Variants in SLC4A7 observed in about 807,000 individuals in gnomAD.
The protein encoded by SLC4A7 is solute carrier family 4 member 7, also known as sodium bicarbonate cotransporter 3.
SLC4A7 carries 51 observed loss-of-function variants against 137.6 expected under a neutral mutation model. The ratio of observed to expected loss-of-function variants is 0.37; its 90% CI spans 0.30 to 0.47. The LOEUF is 0.47. Ranked by LOEUF, SLC4A7 falls within the 20% of genes least tolerant of loss-of-function variation. The probability of loss-of-function intolerance (pLI) is 1.00; values close to 1 mark genes in which losing one functional copy is unlikely to be tolerated. For missense variants in SLC4A7, 1,247 were observed against 1,525.4 expected, an observed-to-expected ratio of 0.82 and a Z score of 3.04; for synonymous variants, 542 against 518.6, an observed-to-expected ratio of 1.05 and a Z score of -0.61.
intron 22 of SLC4A7, among the ~76,000 whole-genome samples, chr3:27,386,557 C>G (rs1323842933): frequency 6.6e-6 from 1 of 152,044 alleles, no homozygotes; most frequent in Non-Finnish European, 1.5e-5. Flanking sequence ...ATTTCCTAAA[C>G]TTGGACTGTT....
intron 7 of SLC4A7, among the ~76,000 whole-genome samples, chr3:27,427,357 T>TATG (rs1318231778): frequency 6.6e-6 from 1 of 151,832 alleles, no homozygotes; most frequent in Non-Finnish European, 1.5e-5. Flanking sequence ...AGGGTCTCAC[T>TATG]ATGAACTCCT....
At chr3:27,468,873 CG>C in intron 1 of SLC4A7, among the ~76,000 whole-genome samples, 1 of 152,044 alleles carries the variant, frequency 6.6e-6, no homozygotes, top group East Asian at 1.9e-4. Flanking sequence ...TTTGGGAGGC[CG>C]GGGTGGGCGG....
intron 1 of SLC4A7, among the ~76,000 whole-genome samples, chr3:27,456,362 A>G (rs974671231): frequency 6.6e-6 from 1 of 152,234 alleles, no homozygotes; most frequent in East Asian, 1.9e-4. Context: ...AACTATTAAG[A>G]TAAAGTGATT....
rs2057855604 is a variant in SLC4A7 at position 27,448,725 on chromosome 3, C to T, written c.215G>A (p.Gly72Glu). Residue 72 changes from glycine to glutamate, a missense_variant, in exon 3 of 26, where the codon GGA becomes GAA. Gly to Glu is a moderately conservative substitution (Grantham distance 98). Around this residue, in one of 6 missense-constraint regions of SLC4A7, gnomAD observed 176 missense variants for 186.4 expected, o/e 0.94. Transcript: ENST00000454389. ...TCTTCTCCGGTGGTGATGTTTGTGT[C>T]CGCGATGCCTATGACGCCGACGACT... is the stretch of plus-strand genomic sequence containing the variant. Reference protein sequence around the residue: ...KESRRRHRHRGHKHHHRRRKD... With the variant: ...KESRRRHRHREHKHHHRRRKD... 6.2e-7 allele frequency: 1 copy of T among 1,613,174 alleles called. No individual in the cohort carries two copies. The highest frequency in any genetic ancestry group is 8.5e-7 in the Non-Finnish European group (1 of 1,179,356).
At position 27,448,803 on chromosome 3, in the gene SLC4A7, A is replaced by G. The variant is rs761091509; in HGVS notation, c.143-6T>C. On this transcript the variant is annotated splice_polypyrimidine_tract_variant and splice_region_variant and intron_variant, in intron 2 of 25. Transcript: ENST00000454389. Reference sequence around the variant, plus strand: ...AATATATACAGCTCTATGACCTATTAAAAGGTTCAGAAACATATTACTAGC... The same window carrying G: ...AATATATACAGCTCTATGACCTATTGAAAGGTTCAGAAACATATTACTAGC... The G allele has an allele frequency of 6.4e-7, 1 of 1,573,694 alleles. No homozygotes were observed. Among genetic ancestry groups the G allele is most frequent in the Non-Finnish European group, 8.6e-7 (1 of 1,161,540 alleles).
At chr3:27,449,993 A>G (rs2057957119) in intron 2 of SLC4A7, among the ~76,000 whole-genome samples, 1 of 152,210 alleles carries the variant, frequency 6.6e-6, no homozygotes, top group Non-Finnish European at 1.5e-5. Flanking sequence ...ACTTGTAACC[A>G]CAAAATCAAT....
chr3:27,446,380 A>G (rs536408003), intron 3 of SLC4A7, among the ~76,000 whole-genome samples: 1 of 152,272 alleles, frequency 6.6e-6, no homozygotes, highest in South Asian at 2.1e-4. Context: ...ACAAATTGGT[A>G]GTTAAGACAA....
Position 27,379,277 on chromosome 3 carries a change from T to G in SLC4A7, c.3670A>C (p.Asn1224His). The stretch of plus-strand genomic sequence containing the variant: ...ATGTTAGATCTGGTTACTTTGGCAT[T>G]CTCAGTATTCATGGAAAGTGCCTTC... ...QWKALSMNTE[N>H]AKVTRSNMSP... The change falls in exon 25 of 26, where the codon AAT (asparagine) becomes CAT (histidine). Residue 1224 changes from asparagine (N) to histidine (H), a missense_variant. Coordinates refer to ENST00000454389, the MANE Select transcript of SLC4A7 (RefSeq NM_001321103.2). 3.3e-6 allele frequency: 5 copies of G among 1,534,612 alleles called. No homozygotes were observed. The highest frequency in any genetic ancestry group is 4.4e-6 in the Non-Finnish European group (5 of 1,145,458).
intron 1 of SLC4A7, among the ~76,000 whole-genome samples, chr3:27,478,858 A>AG (rs1349744474): frequency 6.7e-6 from 1 of 149,830 alleles, no homozygotes; most frequent in African/African-American, 2.4e-5. Context: ...AAAGAGAGAG[A>AG]GGGGGGCGTG....
At chr3:27,482,215 T>C (rs2059741374) in intron 1 of SLC4A7, among the ~76,000 whole-genome samples, 1 of 152,158 alleles carries the variant, frequency 6.6e-6, no homozygotes, top group South Asian at 2.1e-4. Context: ...ATAGTTTAAA[T>C]AGCATAAACA....
At chr3:27,400,189 A>G (rs1293825133) in intron 16 of SLC4A7, among the ~76,000 whole-genome samples, 1 of 152,246 alleles carries the variant, frequency 6.6e-6, no homozygotes, top group Non-Finnish European at 1.5e-5. Flanking sequence ...CTCCCCCAAC[A>G]GAACACAAAC....
At chr3:27,439,159 G>C (rs1363147620) in intron 3 of SLC4A7, among the ~76,000 whole-genome samples, 2 of 152,192 alleles carry the variant, frequency 1.3e-5, no homozygotes, top group African/African-American at 4.8e-5. Context: ...ACAGGATAAA[G>C]AGTAGATTCA....
rs536114799 is a variant in SLC4A7, at chr3:27,477,176, C to T, written c.60+6891G>A. ...TAATGAAACTCCACTGAAGGTTCTA[C>T]CATACTCTTCCTCTAATCCTAGCAC... On this transcript the variant is annotated intron_variant, in intron 1 of 25. Transcript: ENST00000454389. Among the ~76,000 whole-genome samples, 149 of 152,316 alleles carry T rather than the reference C, an allele frequency of 9.8e-4. 1 individual carries two copies. Among genetic ancestry groups the T allele is most frequent in the Middle Eastern group, 3.4e-3 (1 of 294 alleles).
chr3:27,484,006 TTGTC>T, intron 1 of SLC4A7, 57 bp downstream of exon 1: 1 of 1,250,206 alleles, frequency 8.0e-7, no homozygotes, highest in Non-Finnish European at 1.0e-6. Context: ...CCCCCCGCCT[TTGTC>T]TGCCTCGCCC....
In SLC4A7 at chr3:27,484,055, C is replaced by T; in HGVS notation, c.60+12G>A. The T allele has an allele frequency of 2.9e-6, 4 of 1,397,416 alleles. No homozygotes were observed. Among genetic ancestry groups the T allele is most frequent in the Non-Finnish European group, 3.7e-6 (4 of 1,071,404 alleles). 86.6% of individuals were successfully genotyped at this position (1,397,416 alleles called of 1,614,324 possible). The stretch of plus-strand genomic sequence containing the variant: ...CCCCTGCGGAGGAGCCCCACCGCCG[C>T]GGCGCCCTCACCCTGCTCGTTACCC... On this transcript the variant is annotated intron_variant, in intron 1 of 25. Coordinates refer to ENST00000454389, the MANE Select transcript of SLC4A7 (RefSeq NM_001321103.2).
At chr3:27,397,986 T>C in intron 17 of SLC4A7, 189 bp from the exon 18 acceptor site, 1 of 609,520 alleles carries the variant, frequency 1.6e-6, no homozygotes, top group South Asian at 2.3e-5. Context: ...ATTTCGCAAC[T>C]AACCTAGCAA....
chr3:27,398,639 T>C (rs2052445709), intron 16 of SLC4A7, among the ~76,000 whole-genome samples: 1 of 152,220 alleles, frequency 6.6e-6, no homozygotes, highest in African/African-American at 2.4e-5. Context: ...TTCAATTCCA[T>C]ATTCCCTATA....
intron 1 of SLC4A7, among the ~76,000 whole-genome samples, chr3:27,465,885 C>T (rs1257833715): frequency 6.9e-6 from 1 of 145,060 alleles, no homozygotes; most frequent in Admixed American, 7.1e-5. Flanking sequence ...ACCCGGGAGG[C>T]GGAGGTTGCA....
Position 27,435,043 on chromosome 3 carries a change from G to A in SLC4A7, c.590-939C>T, listed in dbSNP as rs552153700. Among the ~76,000 whole-genome samples, 10 of 152,246 alleles carry A rather than the reference G, an allele frequency of 6.6e-5. No individual in the cohort carries two copies. The East Asian group carries it at 1.9e-3, about 29-fold the overall frequency. ...CTTAATTTTTCAGTTATTCATGTGA[G>A]ACAAGAAAGTAAGGACAATTCAAAT... On this transcript the variant is annotated intron_variant, in intron 5 of 25. Coordinates refer to ENST00000454389, the MANE Select transcript of SLC4A7 (RefSeq NM_001321103.2).
Sources: gnomAD v4.1 joint callset for allele counts (sites outside exome capture counted in the v4.1 genomes callset) on GRCh38, gnomAD v4.1.1 for gene constraint, gnomAD v4.1.1 regional missense constraint, MANE v1.5 for transcripts, NCBI Gene and HGNC (gene_info 2026-07-23, HGNC 2026-07-21) for gene names.